CYP7B1: variants seen among roughly 807,000 people sequenced by gnomAD.
CYP7B1 encodes cytochrome P450 7B1.
CYP7B1 carries 29 observed loss-of-function variants against 42.7 expected under a neutral mutation model. The ratio of observed to expected loss-of-function variants is 0.68; its 90% CI spans 0.51 to 0.93. The LOEUF (loss-of-function observed/expected upper bound fraction) is 0.93. Ranked by LOEUF, CYP7B1 falls within the 40% of genes least tolerant of loss-of-function variation. The probability of loss-of-function intolerance (pLI) is 0.00; values close to 1 mark genes in which losing one functional copy is unlikely to be tolerated. For missense variants in CYP7B1, 655 were observed against 600.5 expected (o/e 1.09, Z -0.95); for synonymous variants, 235 against 218.2 (o/e 1.08, Z -0.68).
intron 5 of CYP7B1, among the ~76,000 whole-genome samples, chr8:64,599,835 T>C (rs923232418): frequency 1.3e-5 from 2 of 152,206 alleles, no homozygotes; most frequent in African/African-American, 4.8e-5. Flanking sequence ...TGATTACCTT[T>C]CCTCCTCTGG....
At chr8:64,607,537 C>A (rs1221198313) in intron 4 of CYP7B1, among the ~76,000 whole-genome samples, 2 of 152,140 alleles carry the variant, frequency 1.3e-5, no homozygotes, top group African/African-American at 4.8e-5. Flanking sequence ...AGAACTAGAG[C>A]AAGCTGCTGA....
At chr8:64,587,069 A>C (rs1204668822), downstream of CYP7B1, among the ~76,000 whole-genome samples, 2 of 152,250 alleles carry the variant, frequency 1.3e-5, no homozygotes, top group Non-Finnish European at 2.9e-5. Flanking sequence ...CCAAGGTTCC[A>C]GTAAACAGGG....
chr8:64,761,415 T>C (rs957235540), intron 1 of CYP7B1, among the ~76,000 whole-genome samples: 20 of 152,164 alleles, frequency 1.3e-4, no homozygotes, highest in Admixed American at 4.6e-4. Flanking sequence ...ACATAAGATA[T>C]ACTCATATAA....
rs1806813271 is a variant in CYP7B1 at position 64,695,602 on chromosome 8, C to CAT, written c.123-71064_123-71063insAT. On this transcript the variant is annotated intron_variant, in intron 1 of 5. Transcript: ENST00000310193. Reference sequence around the variant, plus strand: ...ACAAAATAAAACATGTTATCAAATTCCTTTTTTTTTTTTTTTTTTTTTTTT... The same window carrying CAT: ...ACAAAATAAAACATGTTATCAAATTCATCTTTTTTTTTTTTTTTTTTTTTTTT... 1.8e-4 allele frequency among the ~76,000 whole-genome samples: 17 copies of CAT among 92,556 alleles called. No individual in the cohort carries two copies. In the South Asian group the frequency reaches 6.3e-3, roughly 35 times the overall value. 60.7% of individuals were successfully genotyped at this position (92,556 alleles called of 152,430 possible). A position where few individuals can be genotyped will look rare whatever the true frequency, so the allele number is the denominator to read the frequency against.
At chr8:64,727,642 C>A (rs1448320212) in intron 1 of CYP7B1, among the ~76,000 whole-genome samples, 1 of 152,090 alleles carries the variant, frequency 6.6e-6, no homozygotes, top group African/African-American at 2.4e-5. Context: ...AATCTTTAGG[C>A]AAAGATTATG....
intron 1 of CYP7B1, among the ~76,000 whole-genome samples, chr8:64,679,853 T>C (rs1375976708): frequency 2.0e-5 from 3 of 152,182 alleles, no homozygotes; most frequent in African/African-American, 7.2e-5. Flanking sequence ...TCTCCAAAAG[T>C]TTCCTTCTGC....
intron 4 of CYP7B1, among the ~76,000 whole-genome samples, chr8:64,605,598 C>T (rs1212642601): frequency 1.3e-5 from 2 of 152,116 alleles, no homozygotes; most frequent in Non-Finnish European, 2.9e-5. Flanking sequence ...AGGAGGAATT[C>T]CTTTGGGAAT....
intron 1 of CYP7B1, among the ~76,000 whole-genome samples, chr8:64,754,082 C>T (rs781542944): frequency 5.9e-5 from 9 of 152,108 alleles, no homozygotes; most frequent in Non-Finnish European, 1.0e-4. Flanking sequence ...GGTCCCCATA[C>T]ACAACCATGT....
intron 1 of CYP7B1, among the ~76,000 whole-genome samples, chr8:64,712,218 T>C (rs1381634595): frequency 6.6e-6 from 1 of 152,156 alleles, no homozygotes; most frequent in Non-Finnish European, 1.5e-5. Context: ...AGGAAGTCAA[T>C]TTGTAGCTAC....
intron 1 of CYP7B1, among the ~76,000 whole-genome samples, chr8:64,709,793 C>T (rs970090500): frequency 2.6e-5 from 4 of 152,072 alleles, no homozygotes; most frequent in African/African-American, 9.7e-5. Flanking sequence ...AAAGTACTCT[C>T]CCAGAAACAC....
chr8:64,749,774 A>G (rs1807700868), intron 1 of CYP7B1, among the ~76,000 whole-genome samples: 1 of 152,148 alleles, frequency 6.6e-6, no homozygotes, highest in Non-Finnish European at 1.5e-5. Context: ...TACTATCCAT[A>G]TATTTAATCA....
Position 64,669,937 on chromosome 8 carries a change from C to G in CYP7B1, c.123-45398G>C, listed in dbSNP as rs143629350. Among the ~76,000 whole-genome samples, 117 of 152,334 alleles carry G rather than the reference C, an allele frequency of 7.7e-4. 3 individuals are homozygous for G. In the East Asian group the frequency reaches 0.021, roughly 27 times the overall value. ...TGCAAACTGTACTCTAAGCCTTACT[C>G]TAGACTCTGGCTTCCAGATTTGCCT... On this transcript the variant is annotated intron_variant, in intron 1 of 5. Transcript: ENST00000310193.
intron 1 of CYP7B1, among the ~76,000 whole-genome samples, chr8:64,688,578 G>C (rs1806691755): frequency 6.6e-6 from 1 of 152,162 alleles, no homozygotes; most frequent in South Asian, 2.1e-4. Context: ...GTCCAACTCT[G>C]GCTGAAGTGC....
At chr8:64,618,741 T>C (rs1402428619) in intron 2 of CYP7B1, among the ~76,000 whole-genome samples, 3 of 152,192 alleles carry the variant, frequency 2.0e-5, no homozygotes, top group African/African-American at 7.2e-5. Flanking sequence ...ATGGTTCAAG[T>C]TAGCAACCAA....
At chr8:64,642,426 C>T (rs1027404987) in intron 1 of CYP7B1, among the ~76,000 whole-genome samples, 3 of 152,072 alleles carry the variant, frequency 2.0e-5, no homozygotes, top group Non-Finnish European at 4.4e-5. Context: ...CACTTGACCC[C>T]GAATTTACTG....
intron 1 of CYP7B1, among the ~76,000 whole-genome samples, chr8:64,675,731 A>T (rs1806436364): frequency 6.6e-6 from 1 of 152,140 alleles, no homozygotes; most frequent in Admixed American, 6.6e-5. Flanking sequence ...GAGAGCAAGA[A>T]CTGGGAGCGT....
intron 1 of CYP7B1, among the ~76,000 whole-genome samples, chr8:64,720,968 A>T (rs569811834): frequency 2.2e-4 from 33 of 152,014 alleles, no homozygotes; most frequent in Non-Finnish European, 4.6e-4. Flanking sequence ...AATTGAATAT[A>T]TAAATAAGAT....
In CYP7B1 at chr8:64,722,752, G is replaced by A. The variant is rs995735166; in HGVS notation, c.122+75714C>T. Among the ~76,000 whole-genome samples, 8 of 97,366 alleles carry A rather than the reference G, an allele frequency of 8.2e-5. 1 individual carries two copies. The highest frequency in any genetic ancestry group is 3.2e-4 in the African/African-American group (8 of 25,284). 63.9% of individuals were successfully genotyped at this position (97,366 alleles called of 152,430 possible). A position where few individuals can be genotyped will look rare whatever the true frequency, so the allele number is the denominator to read the frequency against. ...GAATGATTTTTTGCGGCGGGGGGGG[G>A]GGGGCGGGAGGTTTTTTTTTATTAT... On this transcript the variant is annotated intron_variant, in intron 1 of 5. Transcript: ENST00000310193.
rs553359961 is a variant in CYP7B1 at position 64,670,026 on chromosome 8, A to G, written c.123-45487T>C. Among the ~76,000 whole-genome samples, 9 of 152,336 alleles carry G rather than the reference A, an allele frequency of 5.9e-5. No individual in the cohort carries two copies. The South Asian group carries it at 1.9e-3, about 32-fold the overall frequency. On this transcript the variant is annotated intron_variant, in intron 1 of 5. Coordinates refer to ENST00000310193, the MANE Select transcript of CYP7B1 (RefSeq NM_004820.5). ...GTAAGCAGTGTTTCAGGACTTAAAA[A>G]TGCTTAAGGGCTATTCCAACTCCAA...
Sources: allele counts gnomAD v4.1 joint callset (sites outside exome capture counted in the v4.1 genomes callset), GRCh38; gene constraint gnomAD v4.1.1; transcripts MANE v1.5; gene names NCBI Gene and HGNC (gene_info 2026-07-23, HGNC 2026-07-21).